The following BCR variants were observed in gnomAD, a reference collection of about 807,000 sequenced individuals.
BCR encodes BCR activator of RhoGEF and GTPase.
BCR carries 58 observed loss-of-function variants against 138.6 expected under a neutral mutation model. The observed-to-expected ratio is 0.42, with a 90% CI of 0.34 to 0.52. BCR has a LOEUF of 0.52. Ranked by LOEUF, BCR falls within the 20% of genes least tolerant of loss-of-function variation. The pLI is 0.06. For missense variants in BCR, 1,599 were observed against 1,727.2 expected (o/e 0.93, Z 1.32); for synonymous variants, 786 against 730.1 (o/e 1.08, Z -1.23).
At chr22:23,301,882 C>A (rs2073905500) in intron 16 of BCR, among the ~76,000 whole-genome samples, 2 of 152,214 alleles carry the variant, frequency 1.3e-5, no homozygotes, top group Admixed American at 6.5e-5. Context: ...AGGCTCGGGG[C>A]TGGCTTGGAA....
At position 23,184,714 on chromosome 22, in the gene BCR, T is replaced by C. The variant is rs4822370; in HGVS notation, c.1279+2475T>C. 5.4e-3 allele frequency among the ~76,000 whole-genome samples: 824 copies of C among 152,326 alleles called. 27 individuals are homozygous for C. The highest frequency in any genetic ancestry group is 0.04 in the Admixed American group (607 of 15,296). On this transcript the variant is annotated intron_variant, in intron 1 of 22. Coordinates refer to ENST00000305877, the MANE Select transcript of BCR (RefSeq NM_004327.4). ...CAGTCTATGAGTTTGGATCCTGTTA[T>C]GTTTTAAAACTCCTGCTTCTTTTAG...
chr22:23,263,312 C>G, intron 4 of BCR: 2 of 1,169,616 alleles, frequency 1.7e-6, no homozygotes, highest in African/African-American at 3.0e-5. Flanking sequence ...TGTGGCACTT[C>G]ACCAACTGCG....
intron 1 of BCR, among the ~76,000 whole-genome samples, chr22:23,247,373 A>G (rs5759662): frequency 6.6e-6 from 1 of 151,988 alleles, no homozygotes; most frequent in African/African-American, 2.4e-5. Flanking sequence ...TCTGCTGATG[A>G]TCTCTGTGCT....
intron 7 of BCR, 96 bp downstream of exon 7, chr22:23,273,229 G>A (rs1006150588): frequency 1.5e-6 from 2 of 1,362,702 alleles, no homozygotes; most frequent in Non-Finnish European, 2.0e-6. Context: ...TGTCATAGCT[G>A]CAGCCAAGGG....
At chr22:23,189,385 C>T (rs532896988) in intron 1 of BCR, among the ~76,000 whole-genome samples, 1 of 152,298 alleles carries the variant, frequency 6.6e-6, no homozygotes, top group Admixed American at 6.5e-5. Context: ...TTTTGCCTCT[C>T]CTAGATGCCT....
At chr22:23,314,882 G>T (rs1298327853) in intron 22 of BCR, among the ~76,000 whole-genome samples, 168 bp downstream of exon 22, 1 of 152,230 alleles carries the variant, frequency 6.6e-6, no homozygotes, top group Non-Finnish European at 1.5e-5. Context: ...GATAGTGGGG[G>T]CCCAGGCCAC....
rs2146279291 is a variant in BCR, at chr22:23,263,881, CATTA to C, written c.1752+2342_1752+2345del. 4.2e-6 allele frequency: 4 copies of C among 953,368 alleles called. No homozygotes were observed. The East Asian group carries it at 9.5e-5, about 23-fold the overall frequency. 59.1% of individuals were successfully genotyped at this position (953,368 alleles called of 1,614,324 possible). A position where few individuals can be genotyped will look rare whatever the true frequency, so the allele number is the denominator to read the frequency against. On this transcript the variant is annotated intron_variant, in intron 4 of 22. Coordinates refer to ENST00000305877, the MANE Select transcript of BCR (RefSeq NM_004327.4). Reference sequence around the variant, plus strand: ...CAAATCTGGTCTGTTGCTATCAGGCCATTACTCAGCTCTTTTGTGACAGGGACGG... The same window carrying C: ...CAAATCTGGTCTGTTGCTATCAGGCCCTCAGCTCTTTTGTGACAGGGACGG...
chr22:23,280,417 GC>G (rs1452026273), intron 8 of BCR, among the ~76,000 whole-genome samples: 1 of 152,180 alleles, frequency 6.6e-6, no homozygotes, highest in African/African-American at 2.4e-5. Flanking sequence ...GGGTTATGGT[GC>G]CTGCCTTGTA....
chr22:23,267,592 G>C (rs1048984793), intron 4 of BCR, among the ~76,000 whole-genome samples: 2 of 152,206 alleles, frequency 1.3e-5, no homozygotes, highest in African/African-American at 4.8e-5. Flanking sequence ...AGCTACAGTG[G>C]GAGTCTCCAG....
At chr22:23,294,847 CA>C (rs771642394) in intron 15 of BCR, among the ~76,000 whole-genome samples, 176 bp from the exon 16 acceptor site, 4 of 152,156 alleles carry the variant, frequency 2.6e-5, no homozygotes, top group African/African-American at 4.8e-5. Flanking sequence ...GGTCTCATGC[CA>C]GGGGTGCTTA....
intron 1 of BCR, among the ~76,000 whole-genome samples, chr22:23,190,466 C>G (rs2072399920): frequency 6.6e-6 from 1 of 152,130 alleles, no homozygotes. Context: ...CTGCACCCGG[C>G]CCAAATTTCC....
rs1569233272 is a variant in BCR at position 23,181,325 on chromosome 22, C to T, written c.365C>T (p.Ser122Phe). 1 of 1,401,070 alleles carries T rather than the reference C, an allele frequency of 7.1e-7. No individual in the cohort carries two copies. The highest frequency in any genetic ancestry group is 1.6e-5 in the South Asian group (1 of 63,052). The allele number at this position is 1,401,070 out of a possible 1,614,324, so 86.8% of individuals were successfully genotyped here. A position where few individuals can be genotyped will look rare whatever the true frequency, so the allele number is the denominator to read the frequency against. Reference protein sequence around the residue: ...EPEARPDGEGSPGKARPGTAR... With the variant: ...EPEARPDGEGFPGKARPGTAR... ...GAGGCCCGGCCCGACGGCGAGGGTT[C>T]TCCGGGTAAGGCCAGGCCCGGGACC... is the stretch of plus-strand genomic sequence containing the variant. The change falls in exon 1 of 23, where the codon TCT becomes TTT. Residue 122 changes from serine to phenylalanine, a missense_variant. Transcript: ENST00000305877.
rs533045769 is a variant in BCR at position 23,187,395 on chromosome 22, A to G, written c.1279+5156A>G. 1.9e-3 allele frequency among the ~76,000 whole-genome samples: 291 copies of G among 150,356 alleles called. 2 individuals are homozygous for G. The highest frequency in any genetic ancestry group is 6.9e-3 in the Middle Eastern group (2 of 288). ...CCTCACCCACACATTCTGTGATTGC[A>G]GGCTGATTGACATTGGGGAGGAGGG... On this transcript the variant is annotated intron_variant, in intron 1 of 22. Coordinates refer to ENST00000305877, the MANE Select transcript of BCR (RefSeq NM_004327.4).
At position 23,314,559 on chromosome 22, in the gene BCR, G is replaced by A; in HGVS notation, c.3571G>A (p.Glu1191Lys). 2 of 1,611,988 alleles carry A rather than the reference G, an allele frequency of 1.2e-6. No individual in the cohort carries two copies. The highest frequency in any genetic ancestry group is 1.7e-6 in the Non-Finnish European group (2 of 1,179,842). Reference protein sequence around the residue: ...FLLDHLKRVAEKEAVNKMSLH... With the variant: ...FLLDHLKRVAKKEAVNKMSLH... ...TGCTTTGGTCCTCTACAGGGTGGCA[G>A]AGAAGGAGGCAGTCAATAAGATGTC... Residue 1191 changes from glutamate to lysine, a missense_variant, in exon 22 of 23, where the codon GAG becomes AAG. Physicochemically the swap from Glu to Lys is moderately conservative, Grantham distance 56. Around this residue, in one of 4 missense-constraint regions of BCR, gnomAD observed 177 missense variants for 226.4 expected, o/e 0.78. Transcript: ENST00000305877.
chr22:23,283,490 A>G (rs558692234), intron 8 of BCR: 1 of 158,666 alleles, frequency 6.3e-6, no homozygotes, highest in African/African-American at 2.4e-5. Context: ...TCTCCCCACC[A>G]CAGGGGCCTG....
intron 12 of BCR, 44 bp downstream of exon 12, chr22:23,288,216 A>G: frequency 6.4e-7 from 1 of 1,572,670 alleles, no homozygotes. Flanking sequence ...TCAAACCATT[A>G]GGGCCAGGCT....
At chr22:23,206,054 C>T (rs1259711766) in intron 1 of BCR, among the ~76,000 whole-genome samples, 2 of 152,188 alleles carry the variant, frequency 1.3e-5, no homozygotes, top group Non-Finnish European at 2.9e-5. Flanking sequence ...GGATTCTTTC[C>T]TCAGAGAAGT....
chr22:23,293,890 ATG>A (rs1465541092), intron 15 of BCR, among the ~76,000 whole-genome samples: 2 of 148,658 alleles, frequency 1.3e-5, no homozygotes, highest in Non-Finnish European at 3.0e-5. Flanking sequence ...CCAAGAAGCC[ATG>A]CGCGCACACG....
intron 15 of BCR, among the ~76,000 whole-genome samples, chr22:23,294,550 A>G (rs752584511): frequency 6.6e-6 from 1 of 152,148 alleles, no homozygotes; most frequent in African/African-American, 2.4e-5. Flanking sequence ...ACAGGCATGC[A>G]CCACCACGCC....
Sources: allele counts gnomAD v4.1 joint callset (sites outside exome capture counted in the v4.1 genomes callset), GRCh38; gene constraint gnomAD v4.1.1; regional missense constraint gnomAD v4.1.1; transcripts MANE v1.5; gene names NCBI Gene and HGNC (gene_info 2026-07-23, HGNC 2026-07-21).